Variants in LRRIQ1 observed in about 807,000 individuals in gnomAD.
LRRIQ1 encodes leucine rich repeats and IQ motif containing 1, also known as leucine-rich repeat- and IQ domain-containing protein 1.
In LRRIQ1, 210 loss-of-function variants were observed where a neutral mutation model predicts 211.9. The ratio of observed to expected loss-of-function variants is 0.99; its 90% CI spans 0.89 to 1.11. LRRIQ1 has a LOEUF of 1.11. Among genes scored for constraint, LRRIQ1 ranks in the 50% most tolerant of loss-of-function variants. The pLI is 0.00. For missense variants in LRRIQ1, 2,136 were observed against 1,939.5 expected (o/e 1.10, Z -1.90); for synonymous variants, 699 against 650.1 (o/e 1.08, Z -1.14).
chr12:85,058,648 C>G (rs937078448), intron 8 of LRRIQ1, among the ~76,000 whole-genome samples: 2 of 152,008 alleles, frequency 1.3e-5, no homozygotes, highest in African/African-American at 4.8e-5. Context: ...TCTGTTCCTT[C>G]TTTCGAACGT....
intron 24 of LRRIQ1, among the ~76,000 whole-genome samples, chr12:85,174,309 A>G (rs1891573781): frequency 6.6e-6 from 1 of 151,990 alleles, no homozygotes. Flanking sequence ...TAAGTCTCCC[A>G]GAAACCAGAG....
intron 11 of LRRIQ1, among the ~76,000 whole-genome samples, chr12:85,091,063 GC>G (rs35984556): frequency 6.6e-6 from 1 of 151,990 alleles, no homozygotes; most frequent in East Asian, 1.9e-4. Context: ...TGTGGCATCT[GC>G]CCCCTCTCTC....
intron 3 of LRRIQ1, among the ~76,000 whole-genome samples, chr12:85,044,443 C>T (rs1879282526): frequency 6.6e-6 from 1 of 151,872 alleles, no homozygotes; most frequent in African/African-American, 2.4e-5. Context: ...AGGCATGATC[C>T]TTTTTGCCTG....
At chr12:85,195,112 G>T (rs1892825291) in intron 24 of LRRIQ1, among the ~76,000 whole-genome samples, 1 of 152,020 alleles carries the variant, frequency 6.6e-6, no homozygotes, top group African/African-American at 2.4e-5. Context: ...ACTCTCCCAA[G>T]ACTAAACCAG....
At chr12:85,223,316 G>C (rs564770765) in intron 24 of LRRIQ1, among the ~76,000 whole-genome samples, 1 of 152,182 alleles carries the variant, frequency 6.6e-6, no homozygotes, top group African/African-American at 2.4e-5. Flanking sequence ...AACATCTAAA[G>C]GAATCTAAAA....
intron 13 of LRRIQ1, among the ~76,000 whole-genome samples, chr12:85,100,762 G>T (rs1254695553): frequency 1.3e-5 from 2 of 151,746 alleles, no homozygotes; most frequent in African/African-American, 4.8e-5. Flanking sequence ...CCAGGGAAAT[G>T]TCATTGATAG....
At chr12:85,210,231 C>G (rs1206810370) in intron 24 of LRRIQ1, among the ~76,000 whole-genome samples, 1 of 152,098 alleles carries the variant, frequency 6.6e-6, no homozygotes, top group Admixed American at 6.6e-5. Flanking sequence ...CCACAGTATT[C>G]TATAACTCCA....
chr12:85,176,130 A>T (rs1891686342), intron 24 of LRRIQ1, among the ~76,000 whole-genome samples: 1 of 152,172 alleles, frequency 6.6e-6, no homozygotes, highest in South Asian at 2.1e-4. Flanking sequence ...GATTCTTCCT[A>T]CCCATGAGCA....
intron 24 of LRRIQ1, among the ~76,000 whole-genome samples, chr12:85,218,412 AAATAGT>A (rs1299507010): frequency 6.6e-6 from 1 of 152,090 alleles, no homozygotes; most frequent in Non-Finnish European, 1.5e-5. Flanking sequence ...TTTAAATAAA[AAATAGT>A]AATATGGCTA....
intron 25 of LRRIQ1, among the ~76,000 whole-genome samples, chr12:85,230,231 A>G (rs1894864878): frequency 6.6e-6 from 1 of 152,324 alleles, no homozygotes; most frequent in South Asian, 2.1e-4. Flanking sequence ...TAATGTATGT[A>G]CCATTTTGCT....
chr12:85,128,673 G>A (rs1859969464), intron 18 of LRRIQ1, among the ~76,000 whole-genome samples: 1 of 152,108 alleles, frequency 6.6e-6, no homozygotes. Flanking sequence ...GCCAAAGCAG[G>A]TCTTGCTTGG....
chr12:85,248,886 G>A (rs550315865), downstream of LRRIQ1, among the ~76,000 whole-genome samples: 80 of 151,770 alleles, frequency 5.3e-4, no homozygotes, highest in African/African-American at 1.8e-3. Flanking sequence ...TGGGCCAGAG[G>A]TTCCATATAC....
intron 11 of LRRIQ1, among the ~76,000 whole-genome samples, chr12:85,093,478 A>G (rs1282969093): frequency 6.6e-6 from 1 of 152,182 alleles, no homozygotes; most frequent in African/African-American, 2.4e-5. Context: ...ATGGATGCAG[A>G]GCATGCATGT....
intron 25 of LRRIQ1, among the ~76,000 whole-genome samples, chr12:85,231,117 A>G (rs1894917577): frequency 2.6e-5 from 4 of 152,200 alleles, no homozygotes. Flanking sequence ...CATTGTGGGT[A>G]GTAACTGTTT....
At chr12:85,257,488 T>C (rs1896153407) in intron 1 of LRRIQ1, among the ~76,000 whole-genome samples, 1 of 151,316 alleles carries the variant, frequency 6.6e-6, no homozygotes, top group South Asian at 2.1e-4. Context: ...CAGTAGAAAA[T>C]GTGGGACCTA....
intron 8 of LRRIQ1, among the ~76,000 whole-genome samples, chr12:85,064,000 G>A (rs1010133139): frequency 3.3e-5 from 5 of 151,706 alleles, no homozygotes; most frequent in African/African-American, 1.2e-4. Flanking sequence ...GTAAAAATGA[G>A]GGTACAGATA....
At position 85,040,553 on chromosome 12, in the gene LRRIQ1, G is replaced by A; in HGVS notation, c.196G>A (p.Ala66Thr). ...TAACATCATAAAGAACAGGAGTAAA[G>A]CTGTTGAAGAGCTCATTCTTCAGGA... ...CINIIKNRSK[A>T]VEELILQDLE... Residue 66 changes from alanine to threonine, a missense_variant, in exon 3 of 27, where the codon GCT becomes ACT. By Grantham distance (58) the Ala-to-Thr change is moderately conservative. Transcript: ENST00000393217. The A allele has an allele frequency of 6.3e-7, 1 of 1,599,586 alleles. No individual in the cohort carries two copies. Among genetic ancestry groups the A allele is most frequent in the Non-Finnish European group, 8.5e-7 (1 of 1,171,994 alleles).
chr12:85,066,707 G>A, intron 9 of LRRIQ1, 41 bp from the exon 10 acceptor site: 2 of 1,493,166 alleles, frequency 1.3e-6, no homozygotes, highest in Non-Finnish European at 1.8e-6. Flanking sequence ...TCATTAATAA[G>A]CCATTGAAAT....
At chr12:85,142,532 A>G (rs542268989) in intron 19 of LRRIQ1, among the ~76,000 whole-genome samples, 35 of 151,658 alleles carry the variant, frequency 2.3e-4, no homozygotes, top group African/African-American at 8.2e-4. Context: ...TATAGCCATC[A>G]TGTTGCATAA....
Sources: allele counts gnomAD v4.1 joint callset (sites outside exome capture counted in the v4.1 genomes callset), GRCh38; gene constraint gnomAD v4.1.1; transcripts MANE v1.5; gene names NCBI Gene and HGNC (gene_info 2026-07-23, HGNC 2026-07-21).